The following PRUNE2 variants were observed in gnomAD, a reference collection of about 807,000 sequenced individuals.
PRUNE2 encodes protein prune homolog 2.
In PRUNE2, 164 loss-of-function variants were observed where a neutral mutation model predicts 252.0. The observed-to-expected ratio is 0.65, with a 90% CI of 0.57 to 0.74. The LOEUF is 0.74. Ranked by LOEUF, PRUNE2 falls within the 30% of genes least tolerant of loss-of-function variation. The probability of loss-of-function intolerance (pLI) is 0.00; values close to 1 mark genes in which losing one functional copy is unlikely to be tolerated. For missense variants in PRUNE2, 3,495 were observed against 3,711.0 expected (o/e 0.94, Z 1.51); for synonymous variants, 1,292 against 1,350.2 (o/e 0.96, Z 0.94).
At chr9:76,837,245 C>A (rs986436061) in intron 4 of PRUNE2, among the ~76,000 whole-genome samples, 20 of 152,116 alleles carry the variant, frequency 1.3e-4, no homozygotes, top group Admixed American at 2.6e-4. Context: ...CGATTGAGAC[C>A]ATCCTGGCCA....
At chr9:76,692,334 G>T (rs1157584530) in intron 9 of PRUNE2, 1 of 531,706 alleles carries the variant, frequency 1.9e-6, no homozygotes, top group Admixed American at 3.6e-5. Flanking sequence ...CCACGTTGTG[G>T]AGTCAAAAAT....
chr9:76,734,182 TC>T (rs2048878494), intron 6 of PRUNE2, among the ~76,000 whole-genome samples: 1 of 152,090 alleles, frequency 6.6e-6, no homozygotes, highest in Non-Finnish European at 1.5e-5. Context: ...AGATCTCCCC[TC>T]CTTCTGTGGA....
chr9:76,619,487 C>A, intron 17 of PRUNE2, 100 bp from the exon 18 acceptor site: 1 of 773,702 alleles, frequency 1.3e-6, no homozygotes, highest in Non-Finnish European at 2.2e-6. Context: ...TTAATGTGGT[C>A]CCATTGCTAA....
At chr9:76,639,343 T>C (rs555733013) in intron 12 of PRUNE2, among the ~76,000 whole-genome samples, 1 of 151,956 alleles carries the variant, frequency 6.6e-6, no homozygotes, top group Non-Finnish European at 1.5e-5. Context: ...ATACAAAAAT[T>C]AGCCAAGCGT....
intron 6 of PRUNE2, among the ~76,000 whole-genome samples, chr9:76,773,172 T>C (rs1268491633): frequency 6.6e-6 from 1 of 152,202 alleles, no homozygotes; most frequent in East Asian, 1.9e-4. Context: ...AAAGCGGTCT[T>C]TTGTTGTTGT....
intron 18 of PRUNE2, among the ~76,000 whole-genome samples, chr9:76,616,113 C>A (rs1352394819): frequency 1.3e-5 from 2 of 152,058 alleles, no homozygotes; most frequent in Non-Finnish European, 2.9e-5. Flanking sequence ...CGCTTTATTA[C>A]CCTACTTGCA....
At chr9:76,638,442 G>A (rs1214184634) in intron 12 of PRUNE2, among the ~76,000 whole-genome samples, 154 bp from the exon 13 acceptor site, 2 of 152,160 alleles carry the variant, frequency 1.3e-5, no homozygotes, top group Admixed American at 6.5e-5. Flanking sequence ...AGGTCTGTAG[G>A]TATATACCCA....
chr9:76,880,638 AT>A (rs1237526328), intron 1 of PRUNE2, among the ~76,000 whole-genome samples: 4 of 152,270 alleles, frequency 2.6e-5, no homozygotes, highest in East Asian at 3.9e-4. Context: ...GTACACACAT[AT>A]TTTTTAATAC....
At chr9:76,827,675 G>A (rs1449972207) in intron 4 of PRUNE2, among the ~76,000 whole-genome samples, 1 of 152,100 alleles carries the variant, frequency 6.6e-6, no homozygotes, top group Non-Finnish European at 1.5e-5. Flanking sequence ...GGGAAATAAA[G>A]CATCCAGTGA....
At chr9:76,743,068 T>C (rs2049790015) in intron 6 of PRUNE2, among the ~76,000 whole-genome samples, 2 of 152,248 alleles carry the variant, frequency 1.3e-5, no homozygotes, top group South Asian at 4.2e-4. Flanking sequence ...ATAAGGGGCT[T>C]CCCCCTTTGC....
intron 9 of PRUNE2, among the ~76,000 whole-genome samples, chr9:76,660,266 C>T (rs1187512867): frequency 6.6e-6 from 1 of 152,126 alleles, no homozygotes; most frequent in Non-Finnish European, 1.5e-5. Context: ...TCTGGACCTT[C>T]AGGAACTTTC....
Position 76,900,578 on chromosome 9 carries a change from C to T in PRUNE2, c.36+5350G>A, listed in dbSNP as rs139113464. ...ACTCAGAGGGCACTGTTCATATCAC[C>T]GTCCATAGGAATGCTGCCTCCTGAA... On this transcript the variant is annotated intron_variant, in intron 1 of 18. Transcript: ENST00000376718. 5.1e-3 allele frequency among the ~76,000 whole-genome samples: 778 copies of T among 152,284 alleles called. 2 individuals are homozygous for T. Among genetic ancestry groups the T allele is most frequent in the Middle Eastern group, 0.037 (11 of 294 alleles).
intron 4 of PRUNE2, 97 bp from the exon 5 acceptor site, chr9:76,826,829 T>C: frequency 3.0e-6 from 3 of 996,420 alleles, no homozygotes; most frequent in Non-Finnish European, 4.4e-6. Flanking sequence ...ATCTAAGCTT[T>C]CCATTTCTGT....
intron 6 of PRUNE2, among the ~76,000 whole-genome samples, chr9:76,716,346 G>A (rs2047150818): frequency 6.6e-6 from 1 of 152,192 alleles, no homozygotes; most frequent in Non-Finnish European, 1.5e-5. Flanking sequence ...TAGACCTATT[G>A]AAGCAGGATC....
chr9:76,677,255 C>T (rs1010855085), intron 9 of PRUNE2, among the ~76,000 whole-genome samples: 13 of 151,652 alleles, frequency 8.6e-5, no homozygotes, highest in Admixed American at 7.2e-4. Context: ...TTTCTTTTTT[C>T]AGTTTTGGAT....
chr9:76,683,294 G>A (rs1369608729), intron 9 of PRUNE2, among the ~76,000 whole-genome samples: 1 of 152,186 alleles, frequency 6.6e-6, no homozygotes, highest in South Asian at 2.1e-4. Context: ...TTTCTCTGGG[G>A]ATTGCAGTTG....
chr9:76,866,041 G>A (rs2060823021), intron 1 of PRUNE2, among the ~76,000 whole-genome samples: 1 of 152,124 alleles, frequency 6.6e-6, no homozygotes, highest in Non-Finnish European at 1.5e-5. Context: ...TGAAGATATA[G>A]CAGTTGCAAT....
intron 1 of PRUNE2, among the ~76,000 whole-genome samples, chr9:76,891,967 A>C (rs2062502777): frequency 6.6e-6 from 1 of 152,166 alleles, no homozygotes; most frequent in South Asian, 2.1e-4. Context: ...GCTCCGAGTG[A>C]CCACACCGAG....
intron 6 of PRUNE2, among the ~76,000 whole-genome samples, chr9:76,746,943 C>T (rs562069208): frequency 1.1e-4 from 17 of 152,284 alleles, no homozygotes; most frequent in East Asian, 1.9e-4. Context: ...TTCAGTTCTA[C>T]GAGCCATTGT....
Sources: gnomAD v4.1 joint callset for allele counts (sites outside exome capture counted in the v4.1 genomes callset) on GRCh38, gnomAD v4.1.1 for gene constraint, MANE v1.5 for transcripts, NCBI Gene and HGNC (gene_info 2026-07-23, HGNC 2026-07-21) for gene names.